Variants in PTPRT observed in about 807,000 individuals in gnomAD.
PTPRT encodes protein tyrosine phosphatase receptor type T, also known as receptor-type tyrosine-protein phosphatase T.
PTPRT carries 56 observed loss-of-function variants against 176.8 expected under a neutral mutation model. That is an observed-to-expected ratio of 0.32 (90% CI 0.26 to 0.40). PTPRT has a LOEUF of 0.40. PTPRT is among the 10% of genes least tolerant of loss of function. The probability of loss-of-function intolerance (pLI) is 1.00; values close to 1 mark genes in which losing one functional copy is unlikely to be tolerated. For missense variants in PTPRT, 1,540 were observed against 1,908.2 expected, an observed-to-expected ratio of 0.81 and a Z score of 3.60; for synonymous variants, 783 against 739.0, an observed-to-expected ratio of 1.06 and a Z score of -0.96.
intron 17 of PTPRT, among the ~76,000 whole-genome samples, chr20:42,156,595 A>G (rs1289112947): frequency 2.0e-5 from 3 of 152,190 alleles, no homozygotes; most frequent in Non-Finnish European, 4.4e-5. Context: ...TGCAAACTCA[A>G]TTTAACATGA....
At chr20:42,876,583 G>A (rs766099770) in intron 2 of PTPRT, among the ~76,000 whole-genome samples, 20 of 152,118 alleles carry the variant, frequency 1.3e-4, no homozygotes, top group African/African-American at 3.9e-4. Context: ...CCAAAGCCTC[G>A]TCAAGCTCAG....
intron 7 of PTPRT, among the ~76,000 whole-genome samples, chr20:42,630,623 T>C (rs537024976): frequency 2.0e-4 from 31 of 152,312 alleles, no homozygotes; most frequent in Non-Finnish European, 3.5e-4. Context: ...TTAAATTTCC[T>C]TAATTTCAAA....
chr20:42,789,384 T>C (rs2077340520), intron 3 of PTPRT, among the ~76,000 whole-genome samples: 3 of 152,234 alleles, frequency 2.0e-5, no homozygotes, highest in African/African-American at 2.4e-5. Flanking sequence ...TATACTGGAT[T>C]ATACTAGCTT....
intron 16 of PTPRT, among the ~76,000 whole-genome samples, chr20:42,190,822 G>C (rs1990975849): frequency 6.6e-6 from 1 of 152,292 alleles, no homozygotes; most frequent in Middle Eastern, 3.4e-3. Context: ...TCTACAGAAG[G>C]CAGCATGGAG....
chr20:42,185,860 C>T (rs752998133), intron 16 of PTPRT, among the ~76,000 whole-genome samples: 8 of 152,080 alleles, frequency 5.3e-5, no homozygotes, highest in Non-Finnish European at 1.0e-4. Flanking sequence ...CCTTCCCTCT[C>T]GAGCTTGCCA....
At chr20:42,374,312 T>G (rs147227775) in intron 9 of PTPRT, among the ~76,000 whole-genome samples, 1 of 152,162 alleles carries the variant, frequency 6.6e-6, no homozygotes, top group East Asian at 1.9e-4. Context: ...TTAAATCAAG[T>G]GTCAAACGTA....
At chr20:42,125,963 C>G (rs575452125) in intron 19 of PTPRT, among the ~76,000 whole-genome samples, 1 of 146,578 alleles carries the variant, frequency 6.8e-6, no homozygotes, top group South Asian at 2.2e-4. Context: ...TCAATTCAAC[C>G]TGCATCAATA....
intron 7 of PTPRT, among the ~76,000 whole-genome samples, chr20:42,657,949 TAAG>T (rs940641265): frequency 4.6e-5 from 7 of 151,736 alleles, no homozygotes; most frequent in African/African-American, 9.7e-5. Context: ...TACCTTTTCT[TAAG>T]AAAAGTACCT....
chr20:42,310,956 A>G (rs2057618966), intron 12 of PTPRT, among the ~76,000 whole-genome samples: 1 of 152,200 alleles, frequency 6.6e-6, no homozygotes, highest in Non-Finnish European at 1.5e-5. Flanking sequence ...GCCACACTTG[A>G]ACTCTGCATG....
At chr20:42,906,174 C>A (rs146791370) in intron 1 of PTPRT, among the ~76,000 whole-genome samples, 384 of 152,242 alleles carry the variant, frequency 2.5e-3, no homozygotes, top group African/African-American at 9.0e-3. Context: ...AGCGTCTGGA[C>A]ATCAAGAGGA....
At chr20:42,137,732 AT>A (rs1252649600) in intron 18 of PTPRT, among the ~76,000 whole-genome samples, 1 of 152,220 alleles carries the variant, frequency 6.6e-6, no homozygotes, top group Non-Finnish European at 1.5e-5. Context: ...ATTCAGCTTA[AT>A]TTGGCCTCTC....
chr20:43,186,721 G>A (rs1210657036), intron 1 of PTPRT, among the ~76,000 whole-genome samples: 1 of 152,168 alleles, frequency 6.6e-6, no homozygotes, highest in South Asian at 2.1e-4. Flanking sequence ...AGCCACGTTT[G>A]CACATTAATT....
chr20:43,008,828 A>G (rs1322424560), intron 1 of PTPRT, among the ~76,000 whole-genome samples: 3 of 152,176 alleles, frequency 2.0e-5, no homozygotes, highest in Non-Finnish European at 2.9e-5. Context: ...ACAAAGAAAG[A>G]AAGTCTAATG....
intron 6 of PTPRT, among the ~76,000 whole-genome samples, chr20:42,743,917 T>C (rs1452291868): frequency 6.6e-6 from 1 of 152,244 alleles, no homozygotes; most frequent in Non-Finnish European, 1.5e-5. Context: ...TCTAAATGAT[T>C]GGCGGTGCTT....
chr20:42,895,447 C>T (rs1568666669), intron 1 of PTPRT, among the ~76,000 whole-genome samples: 1 of 152,180 alleles, frequency 6.6e-6, no homozygotes, highest in Non-Finnish European at 1.5e-5. Flanking sequence ...ATTCCTTCAC[C>T]TTTGTCATTC....
chr20:42,569,016 C>T (rs1341206694), intron 7 of PTPRT, among the ~76,000 whole-genome samples: 1 of 125,880 alleles, frequency 7.9e-6, no homozygotes, highest in Non-Finnish European at 1.6e-5. Flanking sequence ...CCACTGCACT[C>T]CAGCCTGGGC....
chr20:42,557,719 T>C (rs887283220), intron 7 of PTPRT, among the ~76,000 whole-genome samples: 3 of 152,040 alleles, frequency 2.0e-5, no homozygotes, highest in African/African-American at 7.2e-5. Flanking sequence ...CAAGCAAAAA[T>C]AGACATACGA....
At chr20:42,258,700 A>G (rs1442933090) in intron 13 of PTPRT, among the ~76,000 whole-genome samples, 1 of 152,186 alleles carries the variant, frequency 6.6e-6, no homozygotes, top group African/African-American at 2.4e-5. Flanking sequence ...GGATTATTTC[A>G]TCATTCTTCT....
intron 11 of PTPRT, among the ~76,000 whole-genome samples, chr20:42,320,101 T>C (rs576589215): frequency 3.3e-5 from 5 of 152,318 alleles, no homozygotes; most frequent in Non-Finnish European, 5.9e-5. Context: ...AAGGATCTCT[T>C]ATTGCAAGGA....
Sources: gnomAD v4.1 joint callset for allele counts (sites outside exome capture counted in the v4.1 genomes callset) on GRCh38, gnomAD v4.1.1 for gene constraint, MANE v1.5 for transcripts, NCBI Gene and HGNC (gene_info 2026-07-23, HGNC 2026-07-21) for gene names.